Variants in TOM1L1 observed in about 807,000 individuals in gnomAD.
The protein encoded by TOM1L1 is TOM1-like protein 1.
A neutral mutation model predicts 63.4 loss-of-function variants in TOM1L1; 64 were observed. That is an observed-to-expected ratio of 1.01 (90% CI 0.83 to 1.24). The LOEUF is 1.24. TOM1L1 is among the 50% of genes most tolerant of loss of function. The pLI, the probability that TOM1L1 is intolerant of heterozygous loss-of-function variation, is 0.00. For synonymous variants in TOM1L1, 166 were observed against 194.4 expected (o/e 0.85, Z 1.22); for missense variants, 536 against 567.0 (o/e 0.95, Z 0.55).
At chr17:54,920,952 C>T (rs1033650377) in intron 7 of TOM1L1, among the ~76,000 whole-genome samples, 4 of 134,308 alleles carry the variant, frequency 3.0e-5, no homozygotes, top group Non-Finnish European at 3.2e-5. Flanking sequence ...CAAGAACCGA[C>T]GCTGACATGA....
At chr17:54,960,003 C>G (rs1376172174) in intron 14 of TOM1L1, among the ~76,000 whole-genome samples, 1 of 152,084 alleles carries the variant, frequency 6.6e-6, no homozygotes, top group Non-Finnish European at 1.5e-5. Context: ...AGTCATATTT[C>G]TCATTTCAAT....
intron 7 of TOM1L1, among the ~76,000 whole-genome samples, chr17:54,928,219 GAC>G (rs1280229655): frequency 3.9e-5 from 6 of 152,090 alleles, no homozygotes; most frequent in Non-Finnish European, 8.8e-5. Context: ...AGCTTCTAGT[GAC>G]ACCCTGTCAA....
intron 14 of TOM1L1, among the ~76,000 whole-genome samples, chr17:54,956,009 T>A (rs1598079268): frequency 1.3e-5 from 2 of 152,248 alleles, no homozygotes; most frequent in South Asian, 4.1e-4. Context: ...ATCCCACTGC[T>A]TTGCCTGCCA....
At chr17:54,911,709 A>G (rs901989416) in intron 3 of TOM1L1, among the ~76,000 whole-genome samples, 6 of 152,176 alleles carry the variant, frequency 3.9e-5, no homozygotes, top group Admixed American at 3.3e-4. Flanking sequence ...ACATGCCTGA[A>G]ATAGTGCATT....
intron 3 of TOM1L1, among the ~76,000 whole-genome samples, chr17:54,909,836 G>T (rs914238748): frequency 1.3e-5 from 2 of 152,196 alleles, no homozygotes; most frequent in Non-Finnish European, 2.9e-5. Flanking sequence ...TATTTCGAAA[G>T]ATGGGTTATC....
chr17:54,961,161 A>G (rs2077113232), intron 15 of TOM1L1, 74 bp from the exon 16 acceptor site: 3 of 1,044,178 alleles, frequency 2.9e-6, no homozygotes, highest in East Asian at 2.6e-5. Flanking sequence ...CCCAGTAAAG[A>G]CAAGAGAGTT....
intron 11 of TOM1L1, among the ~76,000 whole-genome samples, chr17:54,939,300 G>C (rs1372898027): frequency 6.6e-6 from 1 of 152,196 alleles, no homozygotes; most frequent in South Asian, 2.1e-4. Context: ...CTTGAACCTG[G>C]GAGGTAGAGG....
intron 1 of TOM1L1, among the ~76,000 whole-genome samples, chr17:54,901,481 G>A (rs781498734): frequency 3.9e-5 from 6 of 152,128 alleles, no homozygotes; most frequent in Non-Finnish European, 7.3e-5. Flanking sequence ...GAACATAGGA[G>A]CCATCTGGGG....
Position 54,904,139 on chromosome 17 carries a change from G to A in TOM1L1, c.143+347G>A, listed in dbSNP as rs547736368. Among the ~76,000 whole-genome samples the A allele has an allele frequency of 2.5e-4, 38 of 152,178 alleles. 1 individual carries two copies. The East Asian group carries it at 3.3e-3, about 13-fold the overall frequency. On this transcript the variant is annotated intron_variant, in intron 2 of 15. Coordinates refer to ENST00000575882, the MANE Select transcript of TOM1L1 (RefSeq NM_005486.3). Reference sequence around the variant, plus strand: ...TCCCAGCACTTTGGGAGGCCGAGGCGGGCGGATCATGAGGTCGGGAGATGG... The same window carrying A: ...TCCCAGCACTTTGGGAGGCCGAGGCAGGCGGATCATGAGGTCGGGAGATGG...
Position 54,930,048 on chromosome 17 carries a change from G to T in TOM1L1, c.721-25G>T. On this transcript the variant is annotated intron_variant, in intron 7 of 15. Transcript: ENST00000575882. Reference sequence around the variant, plus strand: ...ATAGAATGTTCCAAGTGTGGAAGAAGAAATCTCTCTCCTTTCTTTGACAGA... The same window carrying T: ...ATAGAATGTTCCAAGTGTGGAAGAATAAATCTCTCTCCTTTCTTTGACAGA... 2.5e-6 allele frequency: 4 copies of T among 1,613,840 alleles called. No individual in the cohort carries two copies. The South Asian group carries it at 4.4e-5, about 18-fold the overall frequency.
At chr17:54,909,173 T>A (rs542786875) in intron 3 of TOM1L1, among the ~76,000 whole-genome samples, 1 of 152,236 alleles carries the variant, frequency 6.6e-6, no homozygotes, top group Admixed American at 6.5e-5. Flanking sequence ...GCAGGAAAAT[T>A]GCTTGAACCC....
At chr17:54,937,081 CT>C (rs5821078) in intron 9 of TOM1L1, 27 bp from the exon 10 acceptor site, 126,781 of 1,274,318 alleles carry the variant, frequency 0.099, 452 homozygotes, top group African/African-American at 0.19. Flanking sequence ...CTACATGACA[CT>C]TTTTTTTTTT....
At chr17:54,958,632 G>A (rs1265582283) in intron 14 of TOM1L1, among the ~76,000 whole-genome samples, 1 of 149,782 alleles carries the variant, frequency 6.7e-6, no homozygotes, top group Non-Finnish European at 1.5e-5. Flanking sequence ...TCGGGAGGAT[G>A]AATAGGAGAA....
chr17:54,944,731 T>G (rs12165060), intron 11 of TOM1L1, among the ~76,000 whole-genome samples: 7,571 of 152,264 alleles, frequency 0.05, 669 homozygotes, highest in African/African-American at 0.17. Flanking sequence ...TGCCACTCTT[T>G]CTAGCCTAAA....
chr17:54,936,983 G>A (rs1478308812), intron 9 of TOM1L1, 126 bp from the exon 10 acceptor site: 33 of 825,012 alleles, frequency 4.0e-5, no homozygotes, highest in South Asian at 3.5e-4. Flanking sequence ...AATGTTGCTC[G>A]TTGAGTGGAG....
chr17:54,921,808 G>A (rs192440845), intron 7 of TOM1L1, among the ~76,000 whole-genome samples: 1 of 152,226 alleles, frequency 6.6e-6, no homozygotes, highest in Non-Finnish European at 1.5e-5. Flanking sequence ...TAGCAGTTAT[G>A]AGCACTGACC....
chr17:54,959,280 G>A (rs559416352), intron 14 of TOM1L1: 2 of 152,230 alleles, frequency 1.3e-5, no homozygotes, highest in South Asian at 2.1e-4. Context: ...GTGCTTTCAG[G>A]TATATTTTCC....
chr17:54,913,258 A>C (rs976625286), intron 4 of TOM1L1, among the ~76,000 whole-genome samples: 1 of 152,226 alleles, frequency 6.6e-6, no homozygotes, highest in Non-Finnish European at 1.5e-5. Context: ...AAAAGATTTT[A>C]TATTTTCCTA....
rs182198892 is a variant in TOM1L1, at chr17:54,933,567, C to T, written c.855-3082C>T. On this transcript the variant is annotated intron_variant, in intron 8 of 15. Coordinates refer to ENST00000575882, the MANE Select transcript of TOM1L1 (RefSeq NM_005486.3). ...GAGACAGAGTCTTGTTCTGTCACCA[C>T]GCTGCAGTGCAGTGGTGCGATCTTG... 1.8e-3 allele frequency among the ~76,000 whole-genome samples: 269 copies of T among 152,248 alleles called. 1 individual carries two copies. Among genetic ancestry groups the T allele is most frequent in the Non-Finnish European group, 3.2e-3 (215 of 68,010 alleles).
Sources: gnomAD v4.1 joint callset for allele counts (sites outside exome capture counted in the v4.1 genomes callset) on GRCh38, gnomAD v4.1.1 for gene constraint, MANE v1.5 for transcripts, NCBI Gene and HGNC (gene_info 2026-07-23, HGNC 2026-07-21) for gene names.